FAM184A: variants seen among roughly 807,000 people sequenced by gnomAD.
FAM184A encodes the protein protein FAM184A.
FAM184A carries 99 observed loss-of-function variants against 143.8 expected under a neutral mutation model. The ratio of observed to expected loss-of-function variants is 0.69; its 90% CI spans 0.58 to 0.81. The LOEUF (loss-of-function observed/expected upper bound fraction) is 0.81. Ranked by LOEUF, FAM184A falls within the 40% of genes least tolerant of loss-of-function variation. FAM184A has a pLI of 0.00. For synonymous variants in FAM184A, 427 were observed against 446.4 expected, an observed-to-expected ratio of 0.96 and a Z score of 0.55; for missense variants, 1,217 against 1,310.5, an observed-to-expected ratio of 0.93 and a Z score of 1.10.
chr6:119,088,060 G>A (rs1305789194), intron 1 of FAM184A, among the ~76,000 whole-genome samples: 1 of 152,162 alleles, frequency 6.6e-6, no homozygotes, highest in South Asian at 2.1e-4. Context: ...ACAGAAAGTA[G>A]AATGGTGGTT....
At chr6:119,098,810 A>G (rs1241950995) in intron 1 of FAM184A, among the ~76,000 whole-genome samples, 1 of 152,184 alleles carries the variant, frequency 6.6e-6, no homozygotes, top group Non-Finnish European at 1.5e-5. Context: ...AGTTTCTGAA[A>G]AACAACTCAG....
At chr6:118,982,902 C>T (rs1028245823) in intron 9 of FAM184A, among the ~76,000 whole-genome samples, 7 of 152,146 alleles carry the variant, frequency 4.6e-5, no homozygotes, top group African/African-American at 1.2e-4. Flanking sequence ...AAATATTTTA[C>T]ATTGTAATAT....
At chr6:119,037,008 T>C (rs1786137704) in intron 1 of FAM184A, among the ~76,000 whole-genome samples, 2 of 152,172 alleles carry the variant, frequency 1.3e-5, no homozygotes, top group Non-Finnish European at 2.9e-5. Context: ...ATTTTTGTGG[T>C]TGGTGTGGCC....
chr6:118,968,887 C>T (rs1783582024), intron 14 of FAM184A, among the ~76,000 whole-genome samples: 1 of 152,134 alleles, frequency 6.6e-6, no homozygotes, highest in Non-Finnish European at 1.5e-5. Context: ...TTAGCTTAAA[C>T]ATCCTTTGCC....
chr6:118,976,200 TACAG>T (rs1013605272), intron 11 of FAM184A, among the ~76,000 whole-genome samples, 156 bp from the exon 12 acceptor site: 2 of 152,214 alleles, frequency 1.3e-5, no homozygotes, highest in African/African-American at 4.8e-5. Context: ...ATTTAAATAT[TACAG>T]ACTACAATAT....
Position 118,980,207 on chromosome 6 carries a change from G to A in FAM184A, c.2232C>T (p.His744=), listed in dbSNP as rs772006645. 4 of 1,614,036 alleles carry A rather than the reference G, an allele frequency of 2.5e-6. No homozygotes were observed. The South Asian group carries it at 4.4e-5, about 18-fold the overall frequency. Residue 744 remains histidine (H), a synonymous_variant, in exon 10 of 18, where the codon CAC becomes CAT. Coordinates refer to ENST00000338891, the MANE Select transcript of FAM184A (RefSeq NM_024581.6). ...EELEEQHQQR[H]KSLKEAHVLA... is the part of the protein sequence containing the mutation. Reference sequence around the variant, plus strand: ...GGACATGTGCTTCTTTTAATGATTTGTGTCTTTGCTGATGTTGCTCCTCTA... The same window carrying A: ...GGACATGTGCTTCTTTTAATGATTTATGTCTTTGCTGATGTTGCTCCTCTA...
intron 9 of FAM184A, among the ~76,000 whole-genome samples, chr6:118,990,045 T>C (rs1784326144): frequency 6.6e-6 from 1 of 152,110 alleles, no homozygotes; most frequent in Non-Finnish European, 1.5e-5. Flanking sequence ...GCCAGGATGG[T>C]CTCATCTTCT....
In FAM184A at chr6:119,063,481, C is replaced by T. The variant is rs180877828; in HGVS notation, c.159+14660G>A. On this transcript the variant is annotated intron_variant, in intron 1 of 17. Coordinates refer to ENST00000338891, the MANE Select transcript of FAM184A (RefSeq NM_024581.6). ...CTTGATATATGCCTTCCTTAAATGA[C>T]CTAGAAGAATGTGCATGTTCAGTGT... Among the ~76,000 whole-genome samples, 800 of 152,270 alleles carry T rather than the reference C, an allele frequency of 5.3e-3. 11 individuals carry two copies. The highest frequency in any genetic ancestry group is 0.018 in the African/African-American group (768 of 41,538).
At chr6:119,116,145 G>A (rs905993256) in intron 1 of FAM184A, among the ~76,000 whole-genome samples, 1 of 152,162 alleles carries the variant, frequency 6.6e-6, no homozygotes, top group Non-Finnish European at 1.5e-5. Flanking sequence ...AGGAGAGAGA[G>A]CATGGCTTTT....
intron 1 of FAM184A, among the ~76,000 whole-genome samples, chr6:119,094,333 T>G (rs1788451321): frequency 6.6e-6 from 1 of 152,184 alleles, no homozygotes; most frequent in African/African-American, 2.4e-5. Context: ...TGACCTGAAC[T>G]CGTCTTTTTC....
chr6:118,978,611 C>T (rs1783918093), intron 11 of FAM184A, among the ~76,000 whole-genome samples: 1 of 152,136 alleles, frequency 6.6e-6, no homozygotes, highest in Non-Finnish European at 1.5e-5. Context: ...CTGGGACTCC[C>T]AGCAACATTA....
chr6:119,079,066 A>C (rs116356736), upstream of FAM184A: 1 of 152,194 alleles, frequency 6.6e-6, no homozygotes, highest in Non-Finnish European at 1.5e-5. Context: ...TCGTGTGTGC[A>C]GGGCCCCAAG....
chr6:119,049,956 A>G (rs1217951040), intron 1 of FAM184A, among the ~76,000 whole-genome samples: 4 of 152,254 alleles, frequency 2.6e-5, no homozygotes, highest in African/African-American at 9.6e-5. Context: ...TCTAATATCC[A>G]GCATCTATAA....
chr6:119,022,261 G>A (rs114167435), intron 3 of FAM184A, among the ~76,000 whole-genome samples: 2,713 of 151,062 alleles, frequency 0.018, 76 homozygotes, highest in African/African-American at 0.062. Context: ...GTTTCACCTC[G>A]TTGGTCAGGC....
intron 9 of FAM184A, among the ~76,000 whole-genome samples, chr6:118,984,201 ATATATTTATATTTATATATATTTG>A (rs1397092075): frequency 2.1e-5 from 3 of 140,030 alleles, no homozygotes; most frequent in Admixed American, 7.1e-5. Flanking sequence ...TTATATTTAT[ATATATTTATATTTATATATATTTG>A]TATATTTATA....
At chr6:119,142,061 G>A (rs1772256781) in intron 1 of FAM184A, among the ~76,000 whole-genome samples, 1 of 152,234 alleles carries the variant, frequency 6.6e-6, no homozygotes, top group Non-Finnish European at 1.5e-5. Flanking sequence ...ACCTGGGTAT[G>A]TCAGCCATTT....
chr6:119,049,223 G>A lies in FAM184A; in HGVS notation c.160-24410C>T, dbSNP rs549236375. 5.3e-5 allele frequency among the ~76,000 whole-genome samples: 8 copies of A among 152,278 alleles called. No individual in the cohort carries two copies. The East Asian group carries it at 5.8e-4, about 11-fold the overall frequency. On this transcript the variant is annotated intron_variant, in intron 1 of 17. Transcript: ENST00000338891. ...AGCCCTTTGGGAGGCCAAGACAGGC[G>A]GATCACCTGAGGTCAGGAGTTCGAG...
chr6:119,047,535 T>C (rs1010488449), intron 1 of FAM184A, among the ~76,000 whole-genome samples: 2 of 152,076 alleles, frequency 1.3e-5, no homozygotes, highest in Admixed American at 1.3e-4. Context: ...ATTGCAAAGA[T>C]GAAGGGGACG....
intron 1 of FAM184A, among the ~76,000 whole-genome samples, chr6:119,025,982 T>C (rs1484124519): frequency 6.6e-6 from 1 of 152,126 alleles, no homozygotes. Flanking sequence ...TAACTCCAGA[T>C]CCCACTCGCT....
Sources: gnomAD v4.1 joint callset for allele counts (sites outside exome capture counted in the v4.1 genomes callset) on GRCh38, gnomAD v4.1.1 for gene constraint, MANE v1.5 for transcripts, NCBI Gene and HGNC (gene_info 2026-07-23, HGNC 2026-07-21) for gene names.